WDR27: variants seen among roughly 807,000 people sequenced by gnomAD.
The protein encoded by WDR27 is WD repeat-containing protein 27.
In WDR27, 100 loss-of-function variants were observed where a neutral mutation model predicts 114.4. The observed-to-expected ratio is 0.87, with a 90% CI of 0.74 to 1.03. The LOEUF (loss-of-function observed/expected upper bound fraction) is 1.03, where lower values mean the gene tolerates loss of function less well. Ranked by LOEUF, WDR27 falls within the 50% of genes least tolerant of loss-of-function variation. WDR27 has a pLI of 0.00. For synonymous variants in WDR27, 449 were observed against 423.1 expected, an observed-to-expected ratio of 1.06 and a Z score of -0.75; for missense variants, 1,129 against 1,092.9, an observed-to-expected ratio of 1.03 and a Z score of -0.47.
chr6:169,523,184 A>C (rs1411477507), intron 25 of WDR27, among the ~76,000 whole-genome samples: 1 of 152,122 alleles, frequency 6.6e-6, no homozygotes, highest in East Asian at 1.9e-4. Context: ...AAATTGAAAA[A>C]TCTAGAAGAA....
intron 25 of WDR27, among the ~76,000 whole-genome samples, chr6:169,556,353 A>G (rs1798883716): frequency 6.6e-6 from 1 of 152,200 alleles, no homozygotes; most frequent in Non-Finnish European, 1.5e-5. Context: ...GCTTGGTCTC[A>G]GCCTAGTGAG....
chr6:169,457,698 G>T, intron 25 of WDR27, 64 bp from the exon 26 acceptor site: 9 of 1,299,820 alleles, frequency 6.9e-6, no homozygotes, highest in South Asian at 1.3e-5. Context: ...AACTCTATAA[G>T]AAAATAAGCC....
intron 2 of WDR27, among the ~76,000 whole-genome samples, chr6:169,686,968 G>A (rs1210377472): frequency 3.3e-5 from 5 of 152,144 alleles, no homozygotes; most frequent in Non-Finnish European, 5.9e-5. Context: ...GAGTAGAATG[G>A]TGGTTACTAG....
Position 169,514,548 on chromosome 6 carries a change from A to T in WDR27, c.2646-56914T>A, listed in dbSNP as rs866610395. Among the ~76,000 whole-genome samples, 25 of 146,686 alleles carry T rather than the reference A, an allele frequency of 1.7e-4. 1 individual carries two copies. The East Asian group carries it at 2.4e-3, about 14-fold the overall frequency. On this transcript the variant is annotated intron_variant, in intron 25 of 25. Coordinates refer to ENST00000448612, the MANE Select transcript of WDR27 (RefSeq NM_182552.5). The stretch of plus-strand genomic sequence containing the variant: ...TATATATTTATATATTTGGGGGAAA[A>T]ATATATATATAAAATATAGATATTA...
chr6:169,663,325 A>G (rs1268082773), intron 8 of WDR27, among the ~76,000 whole-genome samples: 1 of 152,150 alleles, frequency 6.6e-6, no homozygotes, highest in Non-Finnish European at 1.5e-5. Flanking sequence ...TTTCAGACCT[A>G]ATATGAAAAG....
At chr6:169,564,023 C>T (rs1211261029) in intron 25 of WDR27, among the ~76,000 whole-genome samples, 1 of 152,206 alleles carries the variant, frequency 6.6e-6, no homozygotes, top group Non-Finnish European at 1.5e-5. Context: ...TCCCACAATG[C>T]TCTGTCTACA....
intron 18 of WDR27, 70 bp downstream of exon 18, chr6:169,638,469 A>C: frequency 1.3e-6 from 2 of 1,567,002 alleles, no homozygotes; most frequent in South Asian, 2.4e-5. Context: ...AAGGTAAAAG[A>C]ATGAGACTTT....
chr6:169,647,650 C>T, intron 16 of WDR27, 123 bp downstream of exon 16: 1 of 942,640 alleles, frequency 1.1e-6, no homozygotes, highest in East Asian at 2.6e-5. Flanking sequence ...CATGCAACTT[C>T]AAGTAACCAA....
At chr6:169,486,704 C>T (rs1286617408) in intron 25 of WDR27, among the ~76,000 whole-genome samples, 3 of 152,120 alleles carry the variant, frequency 2.0e-5, no homozygotes, top group Non-Finnish European at 4.4e-5. Context: ...GTTAGTTAGG[C>T]TGGTCTCGAA....
At chr6:169,643,617 G>T in intron 17 of WDR27, 80 bp downstream of exon 17, 1 of 1,197,188 alleles carries the variant, frequency 8.4e-7, no homozygotes, top group Non-Finnish European at 1.2e-6. Flanking sequence ...AAACAAAAGT[G>T]TCCTTTAGCA....
At chr6:169,469,212 G>A (rs1171938319) in intron 25 of WDR27, among the ~76,000 whole-genome samples, 1 of 152,150 alleles carries the variant, frequency 6.6e-6, no homozygotes, top group Non-Finnish European at 1.5e-5. Context: ...ACTCATTCCA[G>A]CATCAACTCT....
At chr6:169,556,731 C>G (rs755806812) in intron 25 of WDR27, among the ~76,000 whole-genome samples, 98 of 152,206 alleles carry the variant, frequency 6.4e-4, no homozygotes, top group Admixed American at 2.7e-3. Flanking sequence ...GCTGAGAATA[C>G]ATTAAAAAAG....
intron 16 of WDR27, among the ~76,000 whole-genome samples, chr6:169,645,268 T>C (rs1267217958): frequency 6.9e-6 from 1 of 144,030 alleles, no homozygotes; most frequent in Non-Finnish European, 1.5e-5. Context: ...CGTATGAGTC[T>C]CACTGTAGAA....
intron 25 of WDR27, among the ~76,000 whole-genome samples, chr6:169,565,160 G>A (rs769236541): frequency 1.3e-5 from 2 of 152,118 alleles, no homozygotes; most frequent in East Asian, 1.9e-4. Flanking sequence ...TAGAAACTGC[G>A]AATCAAGAGA....
intron 14 of WDR27, among the ~76,000 whole-genome samples, chr6:169,651,085 T>A (rs766978026): frequency 7.1e-6 from 1 of 140,376 alleles, no homozygotes; most frequent in Non-Finnish European, 1.5e-5. Context: ...GGGGTGGGAG[T>A]TGGGGAGTGG....
chr6:169,647,778 T>A lies in WDR27; in HGVS notation c.1652A>T (p.Tyr551Phe). The change falls in exon 16 of 26, where the codon TAC (tyrosine) becomes TTC (phenylalanine). Residue 551 changes from tyrosine to phenylalanine, a missense_variant. Coordinates refer to ENST00000448612, the MANE Select transcript of WDR27 (RefSeq NM_182552.5). ...TCCCGCAGGACGTGGCGCACCTGAG[T>A]ACTGGATGCAGCATACACGTGTGCA... is the stretch of plus-strand genomic sequence containing the variant. ...PTCTRVCCIQ[Y>F]SGDGQWLACG... is the part of the protein sequence containing the mutation. 6.3e-7 allele frequency: 1 copy of A among 1,578,904 alleles called. No homozygotes were observed.
chr6:169,520,929 A>C, intron 25 of WDR27, among the ~76,000 whole-genome samples: 1 of 152,184 alleles, frequency 6.6e-6, no homozygotes, highest in South Asian at 2.1e-4. Flanking sequence ...TTAGTGTTCA[A>C]GTTGAACAAG....
intron 25 of WDR27, among the ~76,000 whole-genome samples, chr6:169,535,490 A>T (rs894636453): frequency 1.6e-4 from 25 of 152,230 alleles, no homozygotes; most frequent in African/African-American, 5.8e-4. Context: ...TTAACCTATT[A>T]TAAGTCCTTT....
At chr6:169,641,334 TC>T (rs1009276269) in intron 17 of WDR27, among the ~76,000 whole-genome samples, 1 of 114,838 alleles carries the variant, frequency 8.7e-6, no homozygotes, top group Non-Finnish European at 1.9e-5. Flanking sequence ...CGGGAGCCAA[TC>T]CCCACGAAGC....
Sources: allele counts gnomAD v4.1 joint callset (sites outside exome capture counted in the v4.1 genomes callset), GRCh38; gene constraint gnomAD v4.1.1; transcripts MANE v1.5; gene names NCBI Gene and HGNC (gene_info 2026-07-23, HGNC 2026-07-21).